TIMP2: variants seen among roughly 807,000 people sequenced by gnomAD.
TIMP2 encodes TIMP metallopeptidase inhibitor 2, also known as metalloproteinase inhibitor 2.
TIMP2 carries 5 observed loss-of-function variants against 24.3 expected under a neutral mutation model. That is an observed-to-expected ratio of 0.21 (90% confidence interval 0.11 to 0.43). The LOEUF (loss-of-function observed/expected upper bound fraction) is 0.43, where lower values mean the gene tolerates loss of function less well. Among genes scored for constraint, TIMP2 ranks in the 20% least tolerant of loss-of-function variants. TIMP2 has a pLI of 1.00. For missense variants in TIMP2, 221 were observed against 297.5 expected, an observed-to-expected ratio of 0.74 and a Z score of 1.89; for synonymous variants, 130 against 123.2, an observed-to-expected ratio of 1.06 and a Z score of -0.37.
chr17:78,856,076 G>C lies in TIMP2; in HGVS notation c.466-212C>G, dbSNP rs75637700. 2.0e-4 allele frequency: 120 copies of C among 590,690 alleles called. 2 individuals are homozygous for C. The East Asian group carries it at 3.4e-3, about 17-fold the overall frequency. 36.6% of individuals were successfully genotyped at this position (590,690 alleles called of 1,614,324 possible). A position where few individuals can be genotyped will look rare whatever the true frequency, so the allele number is the denominator to read the frequency against. ...GGGAAGCTGTGCCCTGCCCACCGCTGCCCCCCCTCCTACTGCAGGTGTGCT... is the reference window on the plus strand; with the variant it reads ...GGGAAGCTGTGCCCTGCCCACCGCTCCCCCCCCTCCTACTGCAGGTGTGCT... On this transcript the variant is annotated intron_variant, in intron 4 of 4. Coordinates refer to ENST00000262768, the MANE Select transcript of TIMP2 (RefSeq NM_003255.5).
At chr17:78,890,809 T>C (rs1228836885) in intron 1 of TIMP2, 9 of 1,550,628 alleles carry the variant, frequency 5.8e-6, no homozygotes, top group South Asian at 1.2e-5. Context: ...GCTCAGATCC[T>C]CTCTCCCTTT....
chr17:78,910,321 T>A (rs1460514155), intron 1 of TIMP2, among the ~76,000 whole-genome samples: 1 of 151,846 alleles, frequency 6.6e-6, no homozygotes, highest in African/African-American at 2.4e-5. Context: ...GCCTCCTGAG[T>A]AACTGGGATC....
At position 78,855,964 on chromosome 17, in the gene TIMP2, C is replaced by CT; in HGVS notation, c.466-101dup. Reference sequence around the variant, plus strand: ...GTCCAGAACCCGGCAATGTGCCTACCTGTCATGTGCAGGGATGGCAGCCTC... The same window carrying CT: ...GTCCAGAACCCGGCAATGTGCCTACCTTGTCATGTGCAGGGATGGCAGCCTC... On this transcript the variant is annotated intron_variant, in intron 4 of 4. Transcript: ENST00000262768. The surrounding 1 kb of genome is among the most constrained non-coding windows in gnomAD (Gnocchi z 6.0). 1 of 1,238,250 alleles carries CT rather than the reference C, an allele frequency of 8.1e-7. No homozygotes were observed. The highest frequency in any genetic ancestry group is 1.2e-5 in the South Asian group (1 of 80,782). The allele number at this position is 1,238,250 out of a possible 1,614,324, so 76.7% of individuals were successfully genotyped here.
chr17:78,912,375 G>T (rs2070216764), intron 1 of TIMP2, among the ~76,000 whole-genome samples: 1 of 152,016 alleles, frequency 6.6e-6, no homozygotes, highest in Non-Finnish European at 1.5e-5. Context: ...TGTCAGGAAA[G>T]CTCAATCAAT....
chr17:78,896,958 G>A lies in TIMP2; in HGVS notation c.131-23039C>T, dbSNP rs2070011134. On this transcript the variant is annotated intron_variant, in intron 1 of 4. Transcript: ENST00000262768. This position sits in a 1 kb window ranked among gnomAD's most constrained non-coding sequence, Gnocchi z 4.4. ...TTCTCACCAAAGTCAGGCAACCTCT[G>A]GCCTACAGCTTGAGAATGACGTCCA... 1.0e-6 allele frequency: 1 copy of A among 985,374 alleles called. No homozygotes were observed. Among genetic ancestry groups the A allele is most frequent in the African/African-American group, 1.7e-5 (1 of 57,326 alleles). 61.0% of individuals were successfully genotyped at this position (985,374 alleles called of 1,614,324 possible). A position where few individuals can be genotyped will look rare whatever the true frequency, so the allele number is the denominator to read the frequency against.
At chr17:78,897,502 G>A (rs1042535725) in intron 1 of TIMP2, 5 of 152,250 alleles carry the variant, frequency 3.3e-5, no homozygotes, top group African/African-American at 9.7e-5. Flanking sequence ...TTGTGACGAG[G>A]CTGCTGGAGC....
rs71161632 is a variant in TIMP2 at position 78,854,921 on chromosome 17, C to CGGGGGGGGG, written c.*737_*745dup. ...TCCTGCAAGCTGGGGAGCATGTGGGCGGGGGGGGGGGGGTGGGGGGGTGGG... is the reference window on the plus strand; with the variant it reads ...TCCTGCAAGCTGGGGAGCATGTGGGCGGGGGGGGGGGGGGGGGGGGGGTGGGGGGGTGGG... On this transcript the variant is annotated 3_prime_UTR_variant, in exon 5 of 5. Transcript: ENST00000262768. 2.0e-4 allele frequency: 8 copies of CGGGGGGGGG among 39,086 alleles called. No individual in the cohort carries two copies. The highest frequency in any genetic ancestry group is 3.7e-4 in the Non-Finnish European group (7 of 19,164). The allele number at this position is 39,086 out of a possible 1,614,324, so 2.4% of individuals were successfully genotyped here. A position where few individuals can be genotyped will look rare whatever the true frequency, so the allele number is the denominator to read the frequency against.
At position 78,855,916 on chromosome 17, in the gene TIMP2, G is replaced by A. The variant is rs566177876; in HGVS notation, c.466-52C>T. Reference sequence around the variant, plus strand: ...GGAGTCAGGGACCCAGGAAGGGGTGGGCAGAGGCTGCTCTGGGGGCATGTC... The same window carrying A: ...GGAGTCAGGGACCCAGGAAGGGGTGAGCAGAGGCTGCTCTGGGGGCATGTC... On this transcript the variant is annotated intron_variant, in intron 4 of 4. Coordinates refer to ENST00000262768, the MANE Select transcript of TIMP2 (RefSeq NM_003255.5). The surrounding 1 kb of genome is among the most constrained non-coding windows in gnomAD (Gnocchi z 6.0). 58 of 1,584,200 alleles carry A rather than the reference G, an allele frequency of 3.7e-5. No homozygotes were observed. In the Middle Eastern group the frequency reaches 5.0e-4, roughly 14 times the overall value.
chr17:78,872,932 T>A (rs1229321719), intron 2 of TIMP2, among the ~76,000 whole-genome samples: 2 of 151,786 alleles, frequency 1.3e-5, no homozygotes, highest in Admixed American at 6.6e-5. Context: ...CAGGTTTAAG[T>A]GTTCTCCTGC....
At chr17:78,874,513 C>G (rs548339214) in intron 1 of TIMP2, among the ~76,000 whole-genome samples, 2 of 152,308 alleles carry the variant, frequency 1.3e-5, no homozygotes, top group African/African-American at 4.8e-5. Context: ...GGGGGTCTTA[C>G]ATCTGGAAAG....
chr17:78,898,170 T>C (rs1386556733), intron 1 of TIMP2: 1 of 152,256 alleles, frequency 6.6e-6, no homozygotes, highest in African/African-American at 2.4e-5. Context: ...TTTCATACTC[T>C]TCCGGCATTT....
intron 3 of TIMP2, among the ~76,000 whole-genome samples, chr17:78,859,185 C>G (rs1054299194): frequency 2.0e-5 from 3 of 152,320 alleles, no homozygotes; most frequent in Admixed American, 1.3e-4. Context: ...TTCCCTTCAT[C>G]AGGCATGATG....
chr17:78,857,637 T>C lies in TIMP2; in HGVS notation c.350A>G (p.Glu117Gly), dbSNP rs2069534750. 11 of 1,613,924 alleles carry C rather than the reference T, an allele frequency of 6.8e-6. No homozygotes were observed. The highest frequency in any genetic ancestry group is 9.3e-6 in the Non-Finnish European group (11 of 1,180,010). ...KKEYLIAGKA[E>G]GDGKMHITLC... ...GGTGATGTGCATCTTGCCGTCCCCC[T>C]CGGCCTTTCCTGCGGAGAGACGGGG... Residue 117 changes from glutamate to glycine, a missense_variant, in exon 4 of 5, where the codon GAG becomes GGG. Physicochemically the swap from Glu to Gly is moderately conservative, Grantham distance 98. Transcript: ENST00000262768.
Position 78,854,477 on chromosome 17 carries a change from T to C in TIMP2, c.*1190A>G, listed in dbSNP as rs1316508530. On this transcript the variant is annotated 3_prime_UTR_variant, in exon 5 of 5. Transcript: ENST00000262768. ...ATCTGAGAATTCACCTTTAGAAAAA[T>C]AAGATGTCTCTTAAAACAGGCCATA... is the stretch of plus-strand genomic sequence containing the variant. 6.6e-6 allele frequency: 1 copy of C among 151,850 alleles called. No individual in the cohort carries two copies. Among genetic ancestry groups the C allele is most frequent in the Non-Finnish European group, 1.5e-5 (1 of 68,010 alleles). The allele number at this position is 151,850 out of a possible 1,614,324, so 9.4% of individuals were successfully genotyped here. A position where few individuals can be genotyped will look rare whatever the true frequency, so the allele number is the denominator to read the frequency against.
chr17:78,890,891 A>C (rs1263272133), intron 1 of TIMP2: 4 of 1,550,274 alleles, frequency 2.6e-6, no homozygotes, highest in Admixed American at 3.9e-5. Flanking sequence ...CTCTTTTTCT[A>C]GCTCAGCTTT....
chr17:78,906,648 T>A (rs1476694459), intron 1 of TIMP2, among the ~76,000 whole-genome samples: 1 of 152,110 alleles, frequency 6.6e-6, no homozygotes, highest in Non-Finnish European at 1.5e-5. Context: ...AGTGGTGCGA[T>A]CTCGGCTCAC....
intron 4 of TIMP2, chr17:78,857,145 C>T (rs1048426998): frequency 8.9e-5 from 20 of 225,436 alleles, no homozygotes; most frequent in Non-Finnish European, 9.0e-6. Context: ...TGCACCACCT[C>T]ACCTGGCTAA....
chr17:78,883,774 G>A (rs554533591), intron 1 of TIMP2, among the ~76,000 whole-genome samples: 37 of 152,266 alleles, frequency 2.4e-4, no homozygotes, highest in African/African-American at 8.2e-4. Flanking sequence ...CCTCAGCCAC[G>A]CAGAGCAAAG....
At position 78,855,966 on chromosome 17, in the gene TIMP2, G is replaced by T. The variant is rs574287604; in HGVS notation, c.466-102C>A. ...CCAGAACCCGGCAATGTGCCTACCT[G>T]TCATGTGCAGGGATGGCAGCCTCTC... On this transcript the variant is annotated intron_variant, in intron 4 of 4. Coordinates refer to ENST00000262768, the MANE Select transcript of TIMP2 (RefSeq NM_003255.5). The surrounding 1 kb of genome is among the most constrained non-coding windows in gnomAD (Gnocchi z 6.0). 3.2e-5 allele frequency: 38 copies of T among 1,205,484 alleles called. No individual in the cohort carries two copies. The African/African-American group carries it at 5.4e-4, about 17-fold the overall frequency. The allele number at this position is 1,205,484 out of a possible 1,614,324, so 74.7% of individuals were successfully genotyped here.
Sources: allele counts gnomAD v4.1 joint callset (sites outside exome capture counted in the v4.1 genomes callset), GRCh38; gene constraint gnomAD v4.1.1; non-coding constraint Gnocchi (gnomAD v3.1); transcripts MANE v1.5; gene names NCBI Gene and HGNC (gene_info 2026-07-23, HGNC 2026-07-21).